Variants in EFCAB6 observed in about 807,000 individuals in gnomAD.
EFCAB6 encodes EF-hand calcium binding domain 6.
EFCAB6 carries 156 observed loss-of-function variants against 169.8 expected under a neutral mutation model. That is an observed-to-expected ratio of 0.92 (90% CI 0.81 to 1.05). The LOEUF (loss-of-function observed/expected upper bound fraction) is 1.05. Ranked by LOEUF, EFCAB6 falls within the 50% of genes least tolerant of loss-of-function variation. EFCAB6 has a pLI of 0.00. For synonymous variants in EFCAB6, 698 were observed against 676.4 expected (o/e 1.03, Z -0.50); for missense variants, 1,800 against 1,829.1 (o/e 0.98, Z 0.29).
rs750473795 is a variant in EFCAB6, at chr22:43,667,260, C to T, written c.1827G>A (p.Thr609=). The change falls in exon 17 of 32, where the codon ACG becomes ACA. Residue 609 remains threonine (T), a synonymous_variant. Transcript: ENST00000262726. The part of the protein sequence containing the change: ...QPDLSERTKL[T]EDKTTLTKKM... Reference sequence around the variant, plus strand: ...TCTTGGTCAGGGTGGTTTTATCCTCCGTGAGCTTGGTTCTAAAATCACAAG... The same window carrying T: ...TCTTGGTCAGGGTGGTTTTATCCTCTGTGAGCTTGGTTCTAAAATCACAAG... 2.2e-5 allele frequency: 36 copies of T among 1,613,150 alleles called. 1 individual carries two copies. The highest frequency in any genetic ancestry group is 3.0e-5 in the Non-Finnish European group (35 of 1,179,662).
chr22:43,731,790 G>A lies in EFCAB6; in HGVS notation c.666C>T (p.Ile222=), dbSNP rs1187770291. The A allele has an allele frequency of 3.2e-6, 5 of 1,580,758 alleles. No individual in the cohort carries two copies. The highest frequency in any genetic ancestry group is 4.3e-6 in the Non-Finnish European group (5 of 1,168,246). ...TGTAATCTACTGCAGTATCCTTGTG[G>A]ATGTTGTAGTGTTTCGAAAACCTAA... ...EYEKFSKHYN[I]HKDTAVDYNV... is the part of the protein sequence containing the mutation. Residue 222 remains isoleucine, a synonymous_variant, in exon 8 of 32, where the codon ATC becomes ATT. Transcript: ENST00000262726.
chr22:43,613,842 A>C (rs1336299857), intron 21 of EFCAB6, among the ~76,000 whole-genome samples: 8 of 152,176 alleles, frequency 5.3e-5, no homozygotes, highest in African/African-American at 1.9e-4. Flanking sequence ...CTAATAAAAT[A>C]TTAGCCAGGA....
intron 3 of EFCAB6, among the ~76,000 whole-genome samples, chr22:43,775,360 G>A (rs1414346442): frequency 6.6e-6 from 1 of 152,162 alleles, no homozygotes; most frequent in Non-Finnish European, 1.5e-5. Flanking sequence ...CATGACTATG[G>A]CAGAATGGAC....
chr22:43,708,033 T>G (rs1173296943), intron 10 of EFCAB6, among the ~76,000 whole-genome samples: 1 of 83,146 alleles, frequency 1.2e-5, no homozygotes, highest in East Asian at 3.1e-4. Flanking sequence ...AGAATAGAAA[T>G]AAGATATTTA....
intron 17 of EFCAB6, among the ~76,000 whole-genome samples, chr22:43,647,246 AATTT>A (rs1239765167): frequency 6.6e-6 from 1 of 152,162 alleles, no homozygotes; most frequent in Non-Finnish European, 1.5e-5. Flanking sequence ...ACAAACCTAG[AATTT>A]ATTTAGGGAA....
chr22:43,713,266 C>T (rs1289556612), intron 9 of EFCAB6, among the ~76,000 whole-genome samples: 1 of 152,064 alleles, frequency 6.6e-6, no homozygotes, highest in Non-Finnish European at 1.5e-5. Context: ...GTTTTGTTCA[C>T]AAATAATTAC....
Position 43,540,339 on chromosome 22 carries a change from C to T in EFCAB6, c.3667G>A (p.Glu1223Lys), listed in dbSNP as rs61995890. Residue 1223 changes from glutamate (E) to lysine (K), a missense_variant, in exon 28 of 32, where the codon GAG (glutamate) becomes AAG (lysine). Transcript: ENST00000262726. ...TDEQFDRLWN[E>K]MPVNAKGRLK... ...CTCCCCTTGGCATTGACTGGCATCT[C>T]GTTCCAGAGTCTGTCAAACTGGAGA... 0.15 allele frequency: 248,598 copies of T among 1,614,034 alleles called. 20,432 individuals carry two copies. The highest frequency in any genetic ancestry group is 0.17 in the Non-Finnish European group (198,309 of 1,179,994).
intron 8 of EFCAB6, among the ~76,000 whole-genome samples, chr22:43,725,134 CTTTTTT>C (rs33983375): frequency 3.1e-4 from 29 of 94,684 alleles, no homozygotes; most frequent in Admixed American, 8.4e-4. Context: ...GCCAAACTGG[CTTTTTT>C]TTTTTTTTTT....
chr22:43,792,765 G>A (rs546482229), intron 2 of EFCAB6, among the ~76,000 whole-genome samples: 1 of 152,320 alleles, frequency 6.6e-6, no homozygotes, highest in East Asian at 1.9e-4. Context: ...TCCAGAACCA[G>A]AAGACATGCT....
At chr22:43,615,573 C>T (rs1290595905) in intron 21 of EFCAB6, among the ~76,000 whole-genome samples, 2 of 152,212 alleles carry the variant, frequency 1.3e-5, no homozygotes, top group African/African-American at 4.8e-5. Flanking sequence ...TAATTCATAT[C>T]CAGCCTGAAG....
chr22:43,732,532 A>G (rs1282362747), intron 7 of EFCAB6, among the ~76,000 whole-genome samples: 5 of 147,768 alleles, frequency 3.4e-5, no homozygotes, highest in Non-Finnish European at 7.4e-5. Flanking sequence ...TGGTGCTGCA[A>G]TCTCAGCTCA....
chr22:43,593,121 C>T (rs2051694236), intron 23 of EFCAB6, among the ~76,000 whole-genome samples: 1 of 151,402 alleles, frequency 6.6e-6, no homozygotes, highest in Admixed American at 6.6e-5. Flanking sequence ...CCACTGACAG[C>T]AAAATTTAAA....
chr22:43,554,701 A>T, intron 27 of EFCAB6, 168 bp downstream of exon 27: 1 of 635,800 alleles, frequency 1.6e-6, no homozygotes, highest in Admixed American at 2.9e-5. Flanking sequence ...TAGTTGTTAC[A>T]TAAACAGAAG....
chr22:43,708,596 A>G (rs1489043590), intron 10 of EFCAB6, among the ~76,000 whole-genome samples: 1 of 152,196 alleles, frequency 6.6e-6, no homozygotes, highest in East Asian at 1.9e-4. Context: ...ACATATAGAT[A>G]TATGCTATTT....
At chr22:43,662,121 G>A (rs1439939702) in intron 17 of EFCAB6, among the ~76,000 whole-genome samples, 1 of 150,664 alleles carries the variant, frequency 6.6e-6, no homozygotes, top group Non-Finnish European at 1.5e-5. Flanking sequence ...TCGCGCCACT[G>A]CACTCCAGCC....
At chr22:43,678,747 T>G (rs933660317) in intron 12 of EFCAB6, among the ~76,000 whole-genome samples, 8 of 152,112 alleles carry the variant, frequency 5.3e-5, no homozygotes, top group Admixed American at 4.6e-4. Context: ...GAATAAAAAT[T>G]TATCAATAAG....
intron 10 of EFCAB6, among the ~76,000 whole-genome samples, chr22:43,693,745 C>A (rs754037070): frequency 6.6e-6 from 1 of 151,346 alleles, no homozygotes; most frequent in Non-Finnish European, 1.5e-5. Flanking sequence ...TAAAACTGTC[C>A]TAAAATAGTT....
chr22:43,601,261 T>C (rs998378126), intron 22 of EFCAB6, among the ~76,000 whole-genome samples: 1 of 152,252 alleles, frequency 6.6e-6, no homozygotes, highest in Admixed American at 6.5e-5. Context: ...TGGAGGGTTT[T>C]TATCTCCCAA....
intron 29 of EFCAB6, 103 bp from the exon 30 acceptor site, chr22:43,534,975 C>G: frequency 3.1e-6 from 4 of 1,278,380 alleles, no homozygotes; most frequent in Non-Finnish European, 3.2e-6. Context: ...GCTTCAGGCC[C>G]TGGCTTGGTC....
Sources: gnomAD v4.1 joint callset for allele counts (sites outside exome capture counted in the v4.1 genomes callset) on GRCh38, gnomAD v4.1.1 for gene constraint, MANE v1.5 for transcripts, NCBI Gene and HGNC (gene_info 2026-07-23, HGNC 2026-07-21) for gene names.